The following PTPRM variants were observed in gnomAD, a reference collection of about 807,000 sequenced individuals.
PTPRM encodes receptor-type tyrosine-protein phosphatase mu.
A neutral mutation model predicts 186.7 loss-of-function variants in PTPRM; 47 were observed. The ratio of observed to expected loss-of-function variants is 0.25; its 90% CI spans 0.20 to 0.32. The LOEUF (loss-of-function observed/expected upper bound fraction) is 0.32, where lower values mean the gene tolerates loss of function less well. PTPRM is among the 10% of genes least tolerant of loss of function. The probability of loss-of-function intolerance (pLI) is 1.00; values close to 1 mark genes in which losing one functional copy is unlikely to be tolerated. For missense variants in PTPRM, 1,494 were observed against 1,865.0 expected, an observed-to-expected ratio of 0.80 and a Z score of 3.66; for synonymous variants, 668 against 674.9, an observed-to-expected ratio of 0.99 and a Z score of 0.16.
At chr18:7,750,436 T>C (rs2041157214) in intron 1 of PTPRM, among the ~76,000 whole-genome samples, 1 of 152,260 alleles carries the variant, frequency 6.6e-6, no homozygotes, top group African/African-American at 2.4e-5. Flanking sequence ...ATGCCTGGTC[T>C]AGTTTTCTTT....
At chr18:7,883,711 T>C (rs1024300200) in intron 2 of PTPRM, among the ~76,000 whole-genome samples, 9 of 152,160 alleles carry the variant, frequency 5.9e-5, no homozygotes, top group African/African-American at 2.2e-4. Context: ...GAAGATTAAT[T>C]GAGTTGAAGG....
chr18:8,067,345 A>G (rs910117340), intron 7 of PTPRM, among the ~76,000 whole-genome samples: 1 of 152,240 alleles, frequency 6.6e-6, no homozygotes, highest in African/African-American at 2.4e-5. Context: ...AAAAGTTACT[A>G]GTCTAGGGAA....
At chr18:7,731,616 C>T (rs2040661027) in intron 1 of PTPRM, among the ~76,000 whole-genome samples, 1 of 152,134 alleles carries the variant, frequency 6.6e-6, no homozygotes, top group African/African-American at 2.4e-5. Flanking sequence ...TTTCTGACTC[C>T]TGGAATAGCT....
At chr18:8,329,588 A>G (rs1296333605) in intron 22 of PTPRM, among the ~76,000 whole-genome samples, 1 of 152,226 alleles carries the variant, frequency 6.6e-6, no homozygotes, top group Non-Finnish European at 1.5e-5. Flanking sequence ...GAGTCCTTGC[A>G]AAGCAAAGCT....
chr18:8,206,839 A>C (rs2093938145), intron 14 of PTPRM, among the ~76,000 whole-genome samples: 1 of 151,882 alleles, frequency 6.6e-6, no homozygotes, highest in African/African-American at 2.4e-5. Context: ...ACTCTGCTTC[A>C]AAAAAAAGGG....
intron 11 of PTPRM, 87 bp downstream of exon 11, chr18:8,088,938 G>T: frequency 9.8e-7 from 1 of 1,017,324 alleles, no homozygotes; most frequent in Non-Finnish European, 1.5e-6. Flanking sequence ...CTAGGGATTT[G>T]CTGCAAATCT....
chr18:8,029,886 C>T (rs1039661870), intron 7 of PTPRM, among the ~76,000 whole-genome samples: 3 of 152,148 alleles, frequency 2.0e-5, no homozygotes, highest in Admixed American at 1.3e-4. Context: ...TCTGACCATC[C>T]GTGTGGCTGA....
At chr18:8,282,535 G>A (rs775137133) in intron 19 of PTPRM, among the ~76,000 whole-genome samples, 30 of 152,012 alleles carry the variant, frequency 2.0e-4, no homozygotes, top group African/African-American at 5.1e-4. Context: ...GGTGGTGGCC[G>A]CCTGTAATCC....
At chr18:8,352,193 T>C (rs898934316) in intron 23 of PTPRM, among the ~76,000 whole-genome samples, 1 of 152,202 alleles carries the variant, frequency 6.6e-6, no homozygotes, top group Non-Finnish European at 1.5e-5. Context: ...GTTCAGAATG[T>C]GATAGTACCA....
chr18:8,181,216 G>A (rs937505868), intron 14 of PTPRM, among the ~76,000 whole-genome samples: 2 of 151,820 alleles, frequency 1.3e-5, no homozygotes, highest in Non-Finnish European at 1.5e-5. Context: ...TACTCTGAGC[G>A]ATCATCAAGG....
At chr18:7,799,261 A>G (rs1397123249) in intron 2 of PTPRM, among the ~76,000 whole-genome samples, 1 of 152,144 alleles carries the variant, frequency 6.6e-6, no homozygotes, top group Admixed American at 6.5e-5. Flanking sequence ...AGCTCTCTGA[A>G]GCTTCTTTTA....
At chr18:7,669,046 A>C (rs1310490671) in intron 1 of PTPRM, among the ~76,000 whole-genome samples, 1 of 151,952 alleles carries the variant, frequency 6.6e-6, no homozygotes. Context: ...GGAAACACTA[A>C]ATCTGCTGCC....
chr18:7,878,078 T>C (rs1039974816), intron 2 of PTPRM, among the ~76,000 whole-genome samples: 1 of 152,234 alleles, frequency 6.6e-6, no homozygotes, highest in Non-Finnish European at 1.5e-5. Flanking sequence ...TTATCCATGT[T>C]AAAATTATAC....
intron 17 of PTPRM, among the ~76,000 whole-genome samples, chr18:8,250,130 GCA>G (rs2094514179): frequency 1.3e-5 from 2 of 152,056 alleles, no homozygotes; most frequent in Non-Finnish European, 2.9e-5. Flanking sequence ...AAATTCTCTG[GCA>G]CCTTCAGCTC....
chr18:8,301,787 A>G (rs2095160531), intron 20 of PTPRM, among the ~76,000 whole-genome samples: 1 of 152,226 alleles, frequency 6.6e-6, no homozygotes, highest in Non-Finnish European at 1.5e-5. Context: ...CACCCATGTT[A>G]GGAGGTGAGC....
chr18:8,393,018 T>C (rs1448889466), intron 31 of PTPRM, among the ~76,000 whole-genome samples: 2 of 152,224 alleles, frequency 1.3e-5, no homozygotes, highest in Non-Finnish European at 2.9e-5. Context: ...TAATTAATTG[T>C]TGCAGACAAG....
chr18:7,657,642 A>G (rs1159471836), intron 1 of PTPRM, among the ~76,000 whole-genome samples: 1 of 152,234 alleles, frequency 6.6e-6, no homozygotes, highest in Non-Finnish European at 1.5e-5. Flanking sequence ...CTGAGCCATG[A>G]AAGGGGCATA....
intron 7 of PTPRM, among the ~76,000 whole-genome samples, chr18:7,978,304 A>G (rs1159360461): frequency 2.0e-5 from 3 of 152,210 alleles, no homozygotes; most frequent in Non-Finnish European, 4.4e-5. Flanking sequence ...TTCAACACCG[A>G]GAGATATTTA....
chr18:8,257,083 C>A (rs150038551), intron 19 of PTPRM, among the ~76,000 whole-genome samples: 8 of 152,278 alleles, frequency 5.3e-5, no homozygotes, highest in African/African-American at 1.9e-4. Context: ...TCCAGTCAAA[C>A]CCCACACCCT....
Sources: gnomAD v4.1 joint callset for allele counts (sites outside exome capture counted in the v4.1 genomes callset) on GRCh38, gnomAD v4.1.1 for gene constraint, MANE v1.5 for transcripts, NCBI Gene and HGNC (gene_info 2026-07-23, HGNC 2026-07-21) for gene names.